RALGPS2: variants seen among roughly 807,000 people sequenced by gnomAD.
RALGPS2 encodes the protein ras-specific guanine nucleotide-releasing factor RalGPS2.
RALGPS2 carries 43 observed loss-of-function variants against 86.8 expected under a neutral mutation model. The observed-to-expected ratio is 0.50, with a 90% CI of 0.39 to 0.64. RALGPS2 has a LOEUF of 0.64. RALGPS2 is among the 30% of genes least tolerant of loss of function. The probability of loss-of-function intolerance (pLI) is 0.00; values close to 1 mark genes in which losing one functional copy is unlikely to be tolerated. For missense variants in RALGPS2, 536 were observed against 694.6 expected, an observed-to-expected ratio of 0.77 and a Z score of 2.57; for synonymous variants, 243 against 231.3, an observed-to-expected ratio of 1.05 and a Z score of -0.46.
intron 8 of RALGPS2, among the ~76,000 whole-genome samples, chr1:178,860,092 A>G (rs551058850): frequency 1.3e-5 from 2 of 152,202 alleles, no homozygotes; most frequent in East Asian, 1.9e-4. Context: ...ACTCAGATCT[A>G]TGCTTTTACA....
At position 178,916,979 on chromosome 1, in the gene RALGPS2, G is replaced by A. The variant is rs572367228; in HGVS notation, c.*620G>A. On this transcript the variant is annotated 3_prime_UTR_variant, in exon 20 of 20. Coordinates refer to ENST00000367635, the MANE Select transcript of RALGPS2 (RefSeq NM_152663.5). Reference sequence around the variant, plus strand: ...TGGGTTTGTTTGGGATTGGGTGGGGGTGTTTGTTTTGTTTTGGATGAGGGG... The same window carrying A: ...TGGGTTTGTTTGGGATTGGGTGGGGATGTTTGTTTTGTTTTGGATGAGGGG... The A allele has an allele frequency of 6.6e-6, 1 of 152,156 alleles. No individual in the cohort carries two copies. Among genetic ancestry groups the A allele is most frequent in the Non-Finnish European group, 1.5e-5 (1 of 68,068 alleles). The allele number at this position is 152,156 out of a possible 1,614,324, so 9.4% of individuals were successfully genotyped here. A position where few individuals can be genotyped will look rare whatever the true frequency, so the allele number is the denominator to read the frequency against.
At chr1:178,801,473 T>C (rs1172673024) in intron 4 of RALGPS2, among the ~76,000 whole-genome samples, 1 of 152,164 alleles carries the variant, frequency 6.6e-6, no homozygotes, top group Non-Finnish European at 1.5e-5. Flanking sequence ...TTATAATTTA[T>C]CGTGATAAAT....
In RALGPS2 at chr1:178,921,620, T is replaced by C. The variant is rs1026114322; in HGVS notation, c.*5261T>C. 6.6e-6 allele frequency: 1 copy of C among 152,058 alleles called. No individual in the cohort carries two copies. The allele number at this position is 152,058 out of a possible 1,614,324, so 9.4% of individuals were successfully genotyped here. ...TATCTGAAAACACAAGCCATTTTTATTCTTTATCCCAATTAACTTGAGGTA... is the reference window on the plus strand; with the variant it reads ...TATCTGAAAACACAAGCCATTTTTACTCTTTATCCCAATTAACTTGAGGTA... On this transcript the variant is annotated 3_prime_UTR_variant, in exon 20 of 20. Transcript: ENST00000367635.
chr1:178,882,223 G>A (rs1023193016), intron 10 of RALGPS2, among the ~76,000 whole-genome samples: 1 of 152,082 alleles, frequency 6.6e-6, no homozygotes, highest in Non-Finnish European at 1.5e-5. Context: ...CTCCCTTTCT[G>A]TTCCTTTCTA....
intron 1 of RALGPS2, among the ~76,000 whole-genome samples, chr1:178,748,604 G>A (rs372138858): frequency 4.0e-5 from 6 of 151,562 alleles, no homozygotes; most frequent in African/African-American, 1.5e-4. Flanking sequence ...TGTAATCCCA[G>A]CACTTTGGGA....
chr1:178,870,005 A>G (rs147910690), intron 8 of RALGPS2, among the ~76,000 whole-genome samples: 7 of 152,176 alleles, frequency 4.6e-5, no homozygotes, highest in East Asian at 3.9e-4. Context: ...CTTATTTTCT[A>G]TTGTTAATAC....
Position 178,835,456 on chromosome 1 carries a change from A to G in RALGPS2, c.607+1906A>G, listed in dbSNP as rs576116164. Among the ~76,000 whole-genome samples, 24 of 147,516 alleles carry G rather than the reference A, an allele frequency of 1.6e-4. No homozygotes were observed. In the South Asian group the frequency reaches 5.1e-3, roughly 32 times the overall value. On this transcript the variant is annotated intron_variant, in intron 8 of 19. Coordinates refer to ENST00000367635, the MANE Select transcript of RALGPS2 (RefSeq NM_152663.5). ...TGTCCAGGCTAGAGTGCAGTGGCAC[A>G]GTCTCAGCTCACTGCAACCTCCGCC...
At chr1:178,740,321 G>A (rs895642471) in intron 1 of RALGPS2, among the ~76,000 whole-genome samples, 2 of 152,176 alleles carry the variant, frequency 1.3e-5, no homozygotes, top group Non-Finnish European at 2.9e-5. Flanking sequence ...CAGAAGAACA[G>A]ACCTCAATAG....
At chr1:178,830,058 C>G (rs1469351222) in intron 7 of RALGPS2, among the ~76,000 whole-genome samples, 2 of 152,098 alleles carry the variant, frequency 1.3e-5, no homozygotes, top group African/African-American at 2.4e-5. Flanking sequence ...AAGAGTGAAT[C>G]TTAAATGTTC....
At chr1:178,892,681 AT>A (rs757107876) in intron 15 of RALGPS2, among the ~76,000 whole-genome samples, 3 of 152,052 alleles carry the variant, frequency 2.0e-5, no homozygotes, top group Non-Finnish European at 4.4e-5. Flanking sequence ...TTTATATTTG[AT>A]TTGTCTTTTT....
chr1:178,829,636 G>A (rs1298452892), intron 7 of RALGPS2, among the ~76,000 whole-genome samples: 3 of 152,158 alleles, frequency 2.0e-5, no homozygotes, highest in African/African-American at 7.2e-5. Flanking sequence ...AAGTTCTGGA[G>A]ATCTAATGTA....
intron 1 of RALGPS2, among the ~76,000 whole-genome samples, chr1:178,769,570 A>G (rs570578513): frequency 6.6e-6 from 1 of 151,930 alleles, no homozygotes; most frequent in African/African-American, 2.4e-5. Context: ...GGGTGCTCCA[A>G]ATTTCTGGAT....
intron 5 of RALGPS2, among the ~76,000 whole-genome samples, chr1:178,808,937 G>C (rs961523553): frequency 2.0e-5 from 3 of 152,036 alleles, no homozygotes; most frequent in Non-Finnish European, 4.4e-5. Flanking sequence ...TGCAGTCATA[G>C]CTCACTGCAA....
chr1:178,803,886 G>A (rs998387760), intron 4 of RALGPS2, among the ~76,000 whole-genome samples: 10 of 152,012 alleles, frequency 6.6e-5, no homozygotes, highest in African/African-American at 2.4e-4. Context: ...TGCAGACTTC[G>A]TTTTTAGCTT....
chr1:178,761,655 G>T (rs1652248802), intron 1 of RALGPS2, among the ~76,000 whole-genome samples: 2 of 151,726 alleles, frequency 1.3e-5, no homozygotes, highest in African/African-American at 4.8e-5. Context: ...CCGCCTTCCA[G>T]GTTCAAGTGA....
intron 10 of RALGPS2, among the ~76,000 whole-genome samples, chr1:178,881,480 C>T (rs1205533580): frequency 6.6e-6 from 1 of 152,154 alleles, no homozygotes; most frequent in Non-Finnish European, 1.5e-5. Context: ...GACGGAATCT[C>T]ACTCTGTTTC....
intron 4 of RALGPS2, among the ~76,000 whole-genome samples, chr1:178,797,030 C>T (rs1654224640): frequency 1.3e-5 from 2 of 152,026 alleles, no homozygotes; most frequent in African/African-American, 4.8e-5. Context: ...TTTCATTTAG[C>T]CTTTGCTAAA....
At chr1:178,790,087 C>T (rs1288535962) in intron 4 of RALGPS2, among the ~76,000 whole-genome samples, 4 of 151,966 alleles carry the variant, frequency 2.6e-5, no homozygotes, top group African/African-American at 7.3e-5. Flanking sequence ...TAGCTGGGAC[C>T]ATACACATGT....
intron 1 of RALGPS2, chr1:178,747,618 T>C: frequency 6.4e-7 from 1 of 1,572,064 alleles, no homozygotes; most frequent in Admixed American, 1.7e-5. Context: ...TGTCCTCTTC[T>C]ATGTCAACTA....
Sources: gnomAD v4.1 joint callset for allele counts (sites outside exome capture counted in the v4.1 genomes callset) on GRCh38, gnomAD v4.1.1 for gene constraint, MANE v1.5 for transcripts, NCBI Gene and HGNC (gene_info 2026-07-23, HGNC 2026-07-21) for gene names.